KIF6: variants seen among roughly 807,000 people sequenced by gnomAD.
The protein encoded by KIF6 is kinesin-like protein KIF6.
Under a neutral mutation model 112.7 loss-of-function variants are expected in KIF6, and 106 were observed. The observed-to-expected ratio is 0.94, with a 90% CI of 0.80 to 1.11. The LOEUF (loss-of-function observed/expected upper bound fraction) is 1.11. Among genes scored for constraint, KIF6 ranks in the 50% least tolerant of loss-of-function variants. The pLI is 0.00. For synonymous variants in KIF6, 339 were observed against 339.9 expected (o/e 1.00, Z 0.03); for missense variants, 929 against 964.0 (o/e 0.96, Z 0.48).
intron 6 of KIF6, among the ~76,000 whole-genome samples, chr6:39,606,134 CCTT>C (rs1329129539): frequency 2.0e-5 from 3 of 151,780 alleles, no homozygotes; most frequent in African/African-American, 4.8e-5. Context: ...CCCTCCTCCT[CCTT>C]CTCCTATATC....
At chr6:39,464,162 A>G (rs1773651951) in intron 13 of KIF6, among the ~76,000 whole-genome samples, 1 of 152,114 alleles carries the variant, frequency 6.6e-6, no homozygotes, top group Non-Finnish European at 1.5e-5. Context: ...GTCGTGCTTG[A>G]TGAGGTGGTC....
chr6:39,658,786 T>A (rs917171694), intron 3 of KIF6, among the ~76,000 whole-genome samples: 1 of 152,232 alleles, frequency 6.6e-6, no homozygotes, highest in African/African-American at 2.4e-5. Context: ...AACTCAATAA[T>A]GAAGGTCTTC....
At chr6:39,496,105 A>G (rs1230364941) in intron 13 of KIF6, among the ~76,000 whole-genome samples, 1 of 152,148 alleles carries the variant, frequency 6.6e-6, no homozygotes, top group Non-Finnish European at 1.5e-5. Context: ...CTTTCCCTTA[A>G]CATTAAACCT....
chr6:39,515,372 T>C (rs1777016795), intron 13 of KIF6, among the ~76,000 whole-genome samples: 1 of 152,204 alleles, frequency 6.6e-6, no homozygotes. Flanking sequence ...CCCTGGCATT[T>C]GATCTGTACC....
chr6:39,592,215 TCTAA>T (rs965272653), intron 7 of KIF6, among the ~76,000 whole-genome samples: 10 of 152,254 alleles, frequency 6.6e-5, no homozygotes, highest in Admixed American at 2.6e-4. Context: ...GAAGTTATTC[TCTAA>T]CTGACAAGGA....
intron 5 of KIF6, among the ~76,000 whole-genome samples, chr6:39,629,947 C>T (rs1334749982): frequency 1.3e-5 from 2 of 152,032 alleles, no homozygotes; most frequent in African/African-American, 2.4e-5. Flanking sequence ...AAGACTACCC[C>T]CTTTCCACTG....
At chr6:39,500,831 G>C (rs1776086494) in intron 13 of KIF6, among the ~76,000 whole-genome samples, 1 of 152,100 alleles carries the variant, frequency 6.6e-6, no homozygotes, top group Admixed American at 6.5e-5. Context: ...GAAGCAGAGA[G>C]GTGGAAGCTC....
rs950164120 is a variant in KIF6, at chr6:39,589,572, G to T, written c.847-3168C>A. ...ATTACTTTTCCTAGTTGTCTTGAAGGTCATGTTTTGCTTAAGATGTAGCTC... is the reference window on the plus strand; with the variant it reads ...ATTACTTTTCCTAGTTGTCTTGAAGTTCATGTTTTGCTTAAGATGTAGCTC... On this transcript the variant is annotated intron_variant, in intron 7 of 22. Transcript: ENST00000287152. Among the ~76,000 whole-genome samples, 7 of 152,284 alleles carry T rather than the reference G, an allele frequency of 4.6e-5. No individual in the cohort carries two copies. The East Asian group carries it at 9.7e-4, about 21-fold the overall frequency.
At chr6:39,665,327 T>C (rs1251337558) in intron 3 of KIF6, among the ~76,000 whole-genome samples, 1 of 152,176 alleles carries the variant, frequency 6.6e-6, no homozygotes, top group Admixed American at 6.5e-5. Flanking sequence ...ACATGCACAA[T>C]GCTTACACAC....
intron 5 of KIF6, 145 bp downstream of exon 5, chr6:39,634,704 A>C (rs1258093752): frequency 3.0e-6 from 2 of 658,728 alleles, no homozygotes; most frequent in African/African-American, 3.7e-5. Flanking sequence ...ACTGAAAAAA[A>C]AATCCATTAT....
chr6:39,693,425 T>TAACC (rs1788340534), intron 3 of KIF6, among the ~76,000 whole-genome samples: 1 of 152,202 alleles, frequency 6.6e-6, no homozygotes, highest in Non-Finnish European at 1.5e-5. Context: ...TTTCCCTGAG[T>TAACC]CACTTACAGC....
chr6:39,351,945 G>C (rs9471079), intron 19 of KIF6, among the ~76,000 whole-genome samples: 22,263 of 152,238 alleles, frequency 0.15, 1,932 homozygotes, highest in East Asian at 0.36. Context: ...TGTGGAAGGT[G>C]CAGGTATACA....
rs144575036 is a variant in KIF6 at position 39,451,186 on chromosome 6, T to C, written c.1646-20025A>G. Among the ~76,000 whole-genome samples, 58 of 152,284 alleles carry C rather than the reference T, an allele frequency of 3.8e-4. 1 individual carries two copies. The highest frequency in any genetic ancestry group is 3.4e-3 in the Middle Eastern group (1 of 294). ...GTTACTATTCTTGGAGCTGGGAATA[T>C]GGTGGTGAGCAAAGGCTTATTTCCT... On this transcript the variant is annotated intron_variant, in intron 13 of 22. Coordinates refer to ENST00000287152, the MANE Select transcript of KIF6 (RefSeq NM_145027.6).
At chr6:39,567,293 G>C (rs886617905) in intron 10 of KIF6, among the ~76,000 whole-genome samples, 3 of 152,264 alleles carry the variant, frequency 2.0e-5, no homozygotes, top group Admixed American at 2.0e-4. Context: ...TCACACAAAA[G>C]ATGAGTAACA....
chr6:39,410,496 T>C (rs1395540569), intron 15 of KIF6, among the ~76,000 whole-genome samples: 2 of 152,212 alleles, frequency 1.3e-5, no homozygotes, highest in Non-Finnish European at 2.9e-5. Context: ...TAAAAAACAC[T>C]ATAAGTAAAT....
At chr6:39,476,263 T>C (rs1226505392) in intron 13 of KIF6, among the ~76,000 whole-genome samples, 1 of 151,226 alleles carries the variant, frequency 6.6e-6, no homozygotes, top group African/African-American at 2.4e-5. Context: ...ACCATGGAGA[T>C]TCCTGCTGTG....
chr6:39,382,043 G>A (rs1004170691), intron 16 of KIF6, among the ~76,000 whole-genome samples: 2 of 152,202 alleles, frequency 1.3e-5, no homozygotes, highest in Admixed American at 6.5e-5. Context: ...TGGGGACTGG[G>A]CAGCAGAGAG....
At chr6:39,514,068 G>C (rs1776930123) in intron 13 of KIF6, among the ~76,000 whole-genome samples, 1 of 152,068 alleles carries the variant, frequency 6.6e-6, no homozygotes. Context: ...TTTGTAATTT[G>C]CTGTGATTGA....
intron 6 of KIF6, among the ~76,000 whole-genome samples, chr6:39,598,756 G>A (rs1042758279): frequency 3.9e-5 from 6 of 152,094 alleles, no homozygotes; most frequent in African/African-American, 1.4e-4. Flanking sequence ...TTAGTAAACT[G>A]AGATAATTCA....
Sources: allele counts gnomAD v4.1 joint callset (sites outside exome capture counted in the v4.1 genomes callset), GRCh38; gene constraint gnomAD v4.1.1; transcripts MANE v1.5; gene names NCBI Gene and HGNC (gene_info 2026-07-23, HGNC 2026-07-21).